The following TSPAN3 variants were observed in gnomAD, a reference collection of about 807,000 sequenced individuals.
TSPAN3 encodes the protein tetraspanin-3.
In TSPAN3, 9 loss-of-function variants were observed where a neutral mutation model predicts 31.1. The ratio of observed to expected loss-of-function variants is 0.29; its 90% CI spans 0.17 to 0.50. TSPAN3 has a LOEUF of 0.50. TSPAN3 is among the 20% of genes least tolerant of loss of function. The pLI, the probability that TSPAN3 is intolerant of heterozygous loss-of-function variation, is 0.98. For synonymous variants in TSPAN3, 129 were observed against 114.3 expected (o/e 1.13, Z -0.82); for missense variants, 252 against 313.5 (o/e 0.80, Z 1.48).
At chr15:77,070,214 C>T (rs765169475) in intron 1 of TSPAN3, among the ~76,000 whole-genome samples, 1 of 152,184 alleles carries the variant, frequency 6.6e-6, no homozygotes, top group Non-Finnish European at 1.5e-5. Context: ...GAACTCATCA[C>T]TTTCAAAATC....
intron 1 of TSPAN3, among the ~76,000 whole-genome samples, chr15:77,063,095 T>C (rs2076809914): frequency 6.6e-6 from 1 of 152,230 alleles, no homozygotes; most frequent in African/African-American, 2.4e-5. Flanking sequence ...AATTCATTCC[T>C]GGATGTGTCC....
chr15:77,070,585 G>GGA (rs1030423023), intron 1 of TSPAN3, among the ~76,000 whole-genome samples: 2 of 152,030 alleles, frequency 1.3e-5, no homozygotes, highest in Non-Finnish European at 2.9e-5. Flanking sequence ...GCGACTCCGG[G>GGA]GGGGGGAGAC....
intron 1 of TSPAN3, among the ~76,000 whole-genome samples, chr15:77,065,259 T>C (rs1451322648): frequency 6.6e-6 from 1 of 152,200 alleles, no homozygotes; most frequent in Non-Finnish European, 1.5e-5. Context: ...TTTTTGTGTG[T>C]CTTGCTTCAC....
At chr15:77,069,475 G>C (rs1302057008) in intron 1 of TSPAN3, among the ~76,000 whole-genome samples, 9 of 152,128 alleles carry the variant, frequency 5.9e-5, no homozygotes, top group Non-Finnish European at 1.3e-4. Flanking sequence ...AAATAAGCCT[G>C]TAACTCAAAT....
Position 77,046,603 on chromosome 15 carries a change from G to A in TSPAN3, c.*232C>T, listed in dbSNP as rs1295162212. 4 of 540,376 alleles carry A rather than the reference G, an allele frequency of 7.4e-6. No individual in the cohort carries two copies. The highest frequency in any genetic ancestry group is 2.9e-5 in the East Asian group (1 of 34,334). 33.5% of individuals were successfully genotyped at this position (540,376 alleles called of 1,614,324 possible). A position where few individuals can be genotyped will look rare whatever the true frequency, so the allele number is the denominator to read the frequency against. The stretch of plus-strand genomic sequence containing the variant: ...TCGCAATTGGTTCTGAAATTAGAAC[G>A]TTCACCATCGTACTTAAAATCTTAG... On this transcript the variant is annotated 3_prime_UTR_variant, in exon 7 of 7. Transcript: ENST00000267970.
At chr15:77,059,245 G>A (rs1596165728) in intron 1 of TSPAN3, among the ~76,000 whole-genome samples, 1 of 152,084 alleles carries the variant, frequency 6.6e-6, no homozygotes, top group East Asian at 1.9e-4. Context: ...ACTACACCTG[G>A]CTAATTTTTT....
chr15:77,052,981 G>T, intron 4 of TSPAN3, 52 bp from the exon 5 acceptor site: 1 of 1,547,126 alleles, frequency 6.5e-7, no homozygotes. Context: ...AATACCTGAA[G>T]TTCCATGTAC....
At chr15:77,053,451 CAAAAAAAAAAAAAAAAAAAAAAA>C (rs60483848) in intron 4 of TSPAN3, among the ~76,000 whole-genome samples, 27 of 50,380 alleles carry the variant, frequency 5.4e-4, no homozygotes, top group Admixed American at 2.2e-3. Flanking sequence ...TTCGCCATCT[CAAAAAAAAAAAAAAAAAAAAAAA>C]AAAAAAAAAA....
chr15:77,058,638 C>T (rs188847399), intron 1 of TSPAN3, among the ~76,000 whole-genome samples: 246 of 152,280 alleles, frequency 1.6e-3, no homozygotes, highest in Admixed American at 2.7e-3. Flanking sequence ...TGTCCTTCAC[C>T]CTTGTATCAT....
At position 77,055,880 on chromosome 15, in the gene TSPAN3, T is replaced by C. The variant is rs781602123; in HGVS notation, c.256-17A>G. On this transcript the variant is annotated splice_polypyrimidine_tract_variant and intron_variant, in intron 2 of 6. Transcript: ENST00000267970. ...GATGACAAACTGTAAGAAAACATGG[T>C]TTAAAATTATATACAAATGAAAAAA... The C allele has an allele frequency of 3.1e-6, 5 of 1,589,876 alleles. No homozygotes were observed. The East Asian group carries it at 1.1e-4, about 36-fold the overall frequency.
chr15:77,052,255 G>A lies in TSPAN3; in HGVS notation c.669+130C>T. Reference sequence around the variant, plus strand: ...AAATGGAAAACATGGGAAACTGGAGGCCAGTACCTCAGTCACTTCCACATT... The same window carrying A: ...AAATGGAAAACATGGGAAACTGGAGACCAGTACCTCAGTCACTTCCACATT... On this transcript the variant is annotated intron_variant, in intron 6 of 6. Transcript: ENST00000267970. 7 of 749,354 alleles carry A rather than the reference G, an allele frequency of 9.3e-6. No individual in the cohort carries two copies. The South Asian group carries it at 1.2e-4, about 13-fold the overall frequency. The allele number at this position is 749,354 out of a possible 1,614,324, so 46.4% of individuals were successfully genotyped here.
At chr15:77,070,696 C>T (rs1198177847) in intron 1 of TSPAN3, among the ~76,000 whole-genome samples, 196 bp downstream of exon 1, 1 of 151,768 alleles carries the variant, frequency 6.6e-6, no homozygotes, top group African/African-American at 2.4e-5. Context: ...TCCTCCGCGC[C>T]CAGGCTCCCG....
Sources: gnomAD v4.1 joint callset for allele counts (sites outside exome capture counted in the v4.1 genomes callset) on GRCh38, gnomAD v4.1.1 for gene constraint, MANE v1.5 for transcripts, NCBI Gene and HGNC (gene_info 2026-07-23, HGNC 2026-07-21) for gene names.